PTPRN2: variants seen among roughly 807,000 people sequenced by gnomAD.
PTPRN2 encodes the protein receptor-type tyrosine-protein phosphatase N2.
In PTPRN2, 74 loss-of-function variants were observed where a neutral mutation model predicts 118.8. The ratio of observed to expected loss-of-function variants is 0.62; its 90% CI spans 0.52 to 0.76. The LOEUF (loss-of-function observed/expected upper bound fraction) is 0.76, where lower values mean the gene tolerates loss of function less well. Among genes scored for constraint, PTPRN2 ranks in the 30% least tolerant of loss-of-function variants. PTPRN2 has a pLI of 0.00. For missense variants in PTPRN2, 1,481 were observed against 1,394.4 expected, an observed-to-expected ratio of 1.06 and a Z score of -0.99; for synonymous variants, 641 against 608.0, an observed-to-expected ratio of 1.05 and a Z score of -0.80.
chr7:158,510,153 C>G (rs1332788430), intron 1 of PTPRN2, among the ~76,000 whole-genome samples: 1 of 152,214 alleles, frequency 6.6e-6, no homozygotes, highest in East Asian at 1.9e-4. Context: ...AAACCTGTTT[C>G]CTGGTGTGCG....
intron 2 of PTPRN2, among the ~76,000 whole-genome samples, chr7:158,318,115 G>A (rs10268413): frequency 0.015 from 2,295 of 152,200 alleles, 60 homozygotes; most frequent in African/African-American, 0.049. Flanking sequence ...ACACAAAGGC[G>A]GAGGGCTCTC....
intron 3 of PTPRN2, among the ~76,000 whole-genome samples, chr7:158,308,790 A>G (rs925724547): frequency 2.0e-5 from 3 of 152,196 alleles, no homozygotes; most frequent in African/African-American, 7.2e-5. Context: ...ATGAAAAGAC[A>G]TTATTACTGA....
chr7:158,447,693 G>A (rs1350404122), intron 2 of PTPRN2, among the ~76,000 whole-genome samples: 1 of 152,252 alleles, frequency 6.6e-6, no homozygotes, highest in South Asian at 2.1e-4. Context: ...TCCAAGGCCT[G>A]GGCCAGTGGT....
chr7:157,678,249 T>A (rs1190057772), intron 13 of PTPRN2, among the ~76,000 whole-genome samples: 1 of 152,208 alleles, frequency 6.6e-6, no homozygotes, highest in Admixed American at 6.5e-5. Context: ...TTTAAATATA[T>A]AGTGAGGAAA....
rs1001654937 is a variant in PTPRN2, at chr7:158,509,020, C to A, written c.113-19235G>T. Among the ~76,000 whole-genome samples, 2 of 152,032 alleles carry A rather than the reference C, an allele frequency of 1.3e-5. No individual in the cohort carries two copies. Among genetic ancestry groups the A allele is most frequent in the African/African-American group, 2.4e-5 (1 of 41,374 alleles). On this transcript the variant is annotated intron_variant, in intron 1 of 22. Coordinates refer to ENST00000389418, the MANE Select transcript of PTPRN2 (RefSeq NM_002847.5). This position sits in a 1 kb window ranked among gnomAD's most constrained non-coding sequence, Gnocchi z 4.4. Reference sequence around the variant, plus strand: ...CTCACAAGGGGTCGGATTGCAAGATCTCTTCAGAGGTGGAAGCTGATGCGG... The same window carrying A: ...CTCACAAGGGGTCGGATTGCAAGATATCTTCAGAGGTGGAAGCTGATGCGG...
intron 3 of PTPRN2, among the ~76,000 whole-genome samples, chr7:158,206,741 A>T (rs1029513417): frequency 4.6e-5 from 7 of 151,964 alleles, no homozygotes; most frequent in Non-Finnish European, 1.5e-5. Flanking sequence ...CCTAATGCAG[A>T]TATGGCTGCA....
At chr7:158,468,583 C>T (rs1289780960) in intron 2 of PTPRN2, among the ~76,000 whole-genome samples, 1 of 152,192 alleles carries the variant, frequency 6.6e-6, no homozygotes, top group Non-Finnish European at 1.5e-5. Flanking sequence ...GTGTTACCAC[C>T]GGCATGGCTG....
intron 19 of PTPRN2, among the ~76,000 whole-genome samples, chr7:157,576,248 A>G (rs1156317586): frequency 1.3e-5 from 2 of 152,170 alleles, no homozygotes; most frequent in Admixed American, 6.5e-5. Flanking sequence ...TACCTCTTTC[A>G]TCCCATGCAG....
intron 11 of PTPRN2, among the ~76,000 whole-genome samples, chr7:158,044,198 G>A (rs1808675120): frequency 6.6e-6 from 1 of 152,186 alleles, no homozygotes; most frequent in African/African-American, 2.4e-5. Flanking sequence ...GAAAGTCTTG[G>A]TTAAATAAAA....
At chr7:158,147,898 C>A (rs909863616) in intron 6 of PTPRN2, among the ~76,000 whole-genome samples, 317 of 129,900 alleles carry the variant, frequency 2.4e-3, no homozygotes, top group African/African-American at 6.1e-3. Context: ...GTGTCTTTCC[C>A]CCTCACTGAC....
intron 12 of PTPRN2, among the ~76,000 whole-genome samples, chr7:157,696,562 TTAGTAGAG>T: frequency 2.2e-5 from 3 of 138,066 alleles, no homozygotes; most frequent in Non-Finnish European, 1.6e-5. Context: ...ATACTGGATC[TTAGTAGAG>T]CCCTCACCAT....
At chr7:157,713,698 C>T (rs546404265) in intron 12 of PTPRN2, among the ~76,000 whole-genome samples, 1 of 152,238 alleles carries the variant, frequency 6.6e-6, no homozygotes, top group South Asian at 2.1e-4. Context: ...GTCCAACTCT[C>T]TTATTCCGGC....
intron 12 of PTPRN2, chr7:157,856,075 C>G (rs962292096): frequency 2.6e-5 from 4 of 152,238 alleles, no homozygotes; most frequent in Non-Finnish European, 5.9e-5. Context: ...TCCTGCTCAC[C>G]AGCTCTGCAA....
intron 1 of PTPRN2, chr7:158,539,997 G>A: frequency 3.8e-6 from 1 of 263,396 alleles, no homozygotes; most frequent in Admixed American, 5.4e-5. Flanking sequence ...GGGACATACT[G>A]TGAGCCTGGA....
At chr7:158,485,106 G>A (rs1265314313) in intron 2 of PTPRN2, among the ~76,000 whole-genome samples, 2 of 152,100 alleles carry the variant, frequency 1.3e-5, no homozygotes, top group East Asian at 1.9e-4. Context: ...CTGGGCCACC[G>A]AGCGCAGGGC....
chr7:158,337,784 C>G (rs1586357044), intron 2 of PTPRN2, among the ~76,000 whole-genome samples: 1 of 66,448 alleles, frequency 1.5e-5, no homozygotes, highest in Non-Finnish European at 3.1e-5. Context: ...CACTCACACC[C>G]ACACTCTCAC....
At chr7:158,124,462 G>T (rs1050128342) in intron 9 of PTPRN2, among the ~76,000 whole-genome samples, 5 of 152,254 alleles carry the variant, frequency 3.3e-5, no homozygotes, top group African/African-American at 1.2e-4. Flanking sequence ...AGAACTATAG[G>T]CTGTACATCT....
chr7:158,280,227 C>T (rs1387234960), intron 3 of PTPRN2, among the ~76,000 whole-genome samples: 1 of 152,242 alleles, frequency 6.6e-6, no homozygotes, highest in Non-Finnish European at 1.5e-5. Flanking sequence ...ATCTGGTTTT[C>T]CCGGGCCCAA....
chr7:158,285,123 A>C (rs1480455060), intron 3 of PTPRN2, among the ~76,000 whole-genome samples: 1 of 152,214 alleles, frequency 6.6e-6, no homozygotes, highest in African/African-American at 2.4e-5. Context: ...AGTGGAAAAC[A>C]TACAATATTT....
Sources: allele counts gnomAD v4.1 joint callset (sites outside exome capture counted in the v4.1 genomes callset), GRCh38; gene constraint gnomAD v4.1.1; non-coding constraint Gnocchi (gnomAD v3.1); transcripts MANE v1.5; gene names NCBI Gene and HGNC (gene_info 2026-07-23, HGNC 2026-07-21).